Variants in XPNPEP3 observed in about 807,000 individuals in gnomAD.
XPNPEP3 encodes X-prolyl aminopeptidase 3.
XPNPEP3 carries 41 observed loss-of-function variants against 60.0 expected under a neutral mutation model. That is an observed-to-expected ratio of 0.68 (90% CI 0.53 to 0.89). The LOEUF is 0.89. Ranked by LOEUF, XPNPEP3 falls within the 40% of genes least tolerant of loss-of-function variation. The pLI, the probability that XPNPEP3 is intolerant of heterozygous loss-of-function variation, is 0.00. For missense variants in XPNPEP3, 598 were observed against 638.9 expected (o/e 0.94, Z 0.69); for synonymous variants, 212 against 223.2 (o/e 0.95, Z 0.45).
intron 7 of XPNPEP3, among the ~76,000 whole-genome samples, chr22:40,916,420 A>G (rs2058196607): frequency 6.6e-6 from 1 of 152,242 alleles, no homozygotes. Flanking sequence ...GAGAATCTCA[A>G]TGAGAAATAG....
At chr22:40,913,594 C>G (rs1190695460) in intron 6 of XPNPEP3, among the ~76,000 whole-genome samples, 3 of 149,418 alleles carry the variant, frequency 2.0e-5, no homozygotes, top group Non-Finnish European at 4.5e-5. Flanking sequence ...GTTTTTTTTT[C>G]TTAAAAAAAA....
chr22:40,899,090 T>C (rs968124634), intron 4 of XPNPEP3, among the ~76,000 whole-genome samples: 11 of 152,208 alleles, frequency 7.2e-5, no homozygotes, highest in Admixed American at 7.2e-4. Context: ...CCTCAGGGTA[T>C]TGCATGTAAT....
chr22:40,882,402 C>T (rs2058051925), intron 3 of XPNPEP3, among the ~76,000 whole-genome samples: 1 of 152,102 alleles, frequency 6.6e-6, no homozygotes, highest in African/African-American at 2.4e-5. Context: ...TTTGGGAGGC[C>T]GAGGCAGACA....
At chr22:40,913,134 T>TA (rs2058182767) in intron 6 of XPNPEP3, among the ~76,000 whole-genome samples, 4 of 152,128 alleles carry the variant, frequency 2.6e-5, no homozygotes, top group Admixed American at 6.6e-5. Flanking sequence ...GAGATATACT[T>TA]AAAGTTTTCT....
At position 40,874,462 on chromosome 22, in the gene XPNPEP3, G is replaced by A. The variant is rs545322600; in HGVS notation, c.181+5347G>A. 2.6e-5 allele frequency among the ~76,000 whole-genome samples: 4 copies of A among 152,152 alleles called. No individual in the cohort carries two copies. In the South Asian group the frequency reaches 8.3e-4, roughly 32 times the overall value. ...TTTTTTTGAGACAGGGTCTCACTCT[G>A]TTTCCAAGGTTGGAGTACAGTGCCG... On this transcript the variant is annotated intron_variant, in intron 2 of 9. Coordinates refer to ENST00000357137, the MANE Select transcript of XPNPEP3 (RefSeq NM_022098.4).
intron 4 of XPNPEP3, among the ~76,000 whole-genome samples, chr22:40,903,022 A>T (rs192886134): frequency 6.6e-6 from 1 of 152,198 alleles, no homozygotes; most frequent in Non-Finnish European, 1.5e-5. Context: ...TCCCTGCTAC[A>T]TAATGGTAAA....
intron 4 of XPNPEP3, among the ~76,000 whole-genome samples, chr22:40,889,297 T>A (rs2058080618): frequency 6.6e-6 from 1 of 152,124 alleles, no homozygotes; most frequent in Non-Finnish European, 1.5e-5. Flanking sequence ...AACACTAAGA[T>A]CACAGGCATG....
intron 2 of XPNPEP3, among the ~76,000 whole-genome samples, chr22:40,879,887 C>G (rs1282849982): frequency 6.6e-6 from 1 of 151,248 alleles, no homozygotes; most frequent in Non-Finnish European, 1.5e-5. Flanking sequence ...AATAGTCAGG[C>G]CTGGTGGCTC....
intron 8 of XPNPEP3, among the ~76,000 whole-genome samples, chr22:40,923,102 A>G (rs1268201965): frequency 6.6e-6 from 1 of 152,004 alleles, no homozygotes; most frequent in African/African-American, 2.4e-5. Flanking sequence ...AGTCTCAGCT[A>G]CTTGGGAGGT....
chr22:40,857,203 C>G lies in XPNPEP3; in HGVS notation c.22C>G (p.Pro8Ala), dbSNP rs1256445870. 6.2e-7 allele frequency: 1 copy of G among 1,614,218 alleles called. No homozygotes were observed. Residue 8 changes from proline to alanine, a missense_variant, in exon 1 of 10, where the codon CCC becomes GCC. By Grantham distance (27) the Pro-to-Ala change is conservative. Coordinates refer to ENST00000357137, the MANE Select transcript of XPNPEP3 (RefSeq NM_022098.4). ...CGTAATGCCTTGGCTGCTCTCAGCC[C>G]CCAAGCTGGTTCCCGCTGTAGCAAA... MPWLLSAPKLVPAVANVR... is the reference protein window; with the variant it reads MPWLLSAAKLVPAVANVR...
intron 2 of XPNPEP3, among the ~76,000 whole-genome samples, chr22:40,878,050 T>A (rs2058034218): frequency 6.6e-6 from 1 of 152,014 alleles, no homozygotes; most frequent in Admixed American, 6.5e-5. Context: ...GTACTAAAAA[T>A]ACAAAATTAG....
intron 1 of XPNPEP3, chr22:40,862,025 T>C (rs1231445182): frequency 6.4e-7 from 1 of 1,554,378 alleles, no homozygotes; most frequent in Non-Finnish European, 8.6e-7. Context: ...GTGGGTGTGC[T>C]GGGTATTGAG....
intron 6 of XPNPEP3, among the ~76,000 whole-genome samples, chr22:40,913,010 C>T (rs1357852429): frequency 6.6e-6 from 1 of 152,126 alleles, no homozygotes; most frequent in Non-Finnish European, 1.5e-5. Context: ...TTATCATTTA[C>T]CCATTATTCT....
intron 2 of XPNPEP3, among the ~76,000 whole-genome samples, chr22:40,875,915 G>A (rs1000770657): frequency 5.3e-5 from 8 of 151,898 alleles, no homozygotes; most frequent in Non-Finnish European, 1.2e-4. Context: ...AGCTACTCAG[G>A]AGACTGAGGC....
chr22:40,911,644 A>G (rs889173074), intron 6 of XPNPEP3, among the ~76,000 whole-genome samples: 1 of 151,800 alleles, frequency 6.6e-6, no homozygotes, highest in African/African-American at 2.4e-5. Context: ...CCCAGGTTCA[A>G]GCGATTCTCC....
chr22:40,889,303 G>T (rs954810284), intron 4 of XPNPEP3, among the ~76,000 whole-genome samples: 2 of 152,076 alleles, frequency 1.3e-5, no homozygotes, highest in Non-Finnish European at 2.9e-5. Context: ...AAGATCACAG[G>T]CATGAGCCAA....
At chr22:40,859,368 T>A (rs2057927246) in intron 1 of XPNPEP3, among the ~76,000 whole-genome samples, 1 of 152,192 alleles carries the variant, frequency 6.6e-6, no homozygotes, top group African/African-American at 2.4e-5. Flanking sequence ...AAATCTAAAT[T>A]TTTGGTTTTC....
At chr22:40,865,747 T>C (rs1475237570) in intron 1 of XPNPEP3, among the ~76,000 whole-genome samples, 1 of 151,080 alleles carries the variant, frequency 6.6e-6, no homozygotes, top group Non-Finnish European at 1.5e-5. Flanking sequence ...GCCAGGCTGG[T>C]CCCGAACTCC....
chr22:40,904,672 A>G (rs2058147632), intron 4 of XPNPEP3, among the ~76,000 whole-genome samples: 1 of 152,212 alleles, frequency 6.6e-6, no homozygotes, highest in African/African-American at 2.4e-5. Context: ...GGACTGCCAT[A>G]TGTTTTAGGT....
Sources: allele counts gnomAD v4.1 joint callset (sites outside exome capture counted in the v4.1 genomes callset), GRCh38; gene constraint gnomAD v4.1.1; transcripts MANE v1.5; gene names NCBI Gene and HGNC (gene_info 2026-07-23, HGNC 2026-07-21).